SMURF1: variants seen among roughly 807,000 people sequenced by gnomAD.
The protein encoded by SMURF1 is E3 ubiquitin-protein ligase SMURF1.
In SMURF1, 44 loss-of-function variants were observed where a neutral mutation model predicts 98.0. The ratio of observed to expected loss-of-function variants is 0.45; its 90% CI spans 0.35 to 0.58. SMURF1 has a LOEUF of 0.58. Among genes scored for constraint, SMURF1 ranks in the 20% least tolerant of loss-of-function variants. The probability of loss-of-function intolerance (pLI) is 0.00; values close to 1 mark genes in which losing one functional copy is unlikely to be tolerated. For missense variants in SMURF1, 687 were observed against 938.4 expected (o/e 0.73, Z 3.50); for synonymous variants, 396 against 374.9 (o/e 1.06, Z -0.65).
chr7:99,049,727 A>C lies in SMURF1; in HGVS notation c.807-18T>G. Reference sequence around the variant, plus strand: ...TAAGGTCTCTACCAAAATGGAAGATACAGAGAGGTTTGTCCAACTGAGTAT... The same window carrying C: ...TAAGGTCTCTACCAAAATGGAAGATCCAGAGAGGTTTGTCCAACTGAGTAT... On this transcript the variant is annotated intron_variant, in intron 8 of 17. Transcript: ENST00000361368. The C allele has an allele frequency of 1.9e-6, 3 of 1,610,064 alleles. No homozygotes were observed. The highest frequency in any genetic ancestry group is 2.5e-6 in the Non-Finnish European group (3 of 1,178,888).
At chr7:99,127,210 T>C (rs999360378) in intron 1 of SMURF1, among the ~76,000 whole-genome samples, 3 of 152,210 alleles carry the variant, frequency 2.0e-5, no homozygotes, top group African/African-American at 7.2e-5. Context: ...GCATAGTGAA[T>C]GTTCCTGCCA....
intron 13 of SMURF1, among the ~76,000 whole-genome samples, chr7:99,039,231 C>T (rs1795276473): frequency 6.6e-6 from 1 of 151,462 alleles, no homozygotes; most frequent in African/African-American, 2.4e-5. Flanking sequence ...TACTGTTCCT[C>T]CCTTAGAGGC....
At chr7:99,109,413 A>AAGTTG (rs1223296215) in intron 1 of SMURF1, among the ~76,000 whole-genome samples, 1 of 152,152 alleles carries the variant, frequency 6.6e-6, no homozygotes, top group African/African-American at 2.4e-5. Context: ...ACCAGGTCAC[A>AAGTTG]AACCCTCCCT....
chr7:99,105,448 T>C (rs1797174332), intron 1 of SMURF1, among the ~76,000 whole-genome samples: 1 of 152,212 alleles, frequency 6.6e-6, no homozygotes, highest in Non-Finnish European at 1.5e-5. Context: ...TTACTAACAA[T>C]TACACACTAC....
chr7:99,055,639 TTTC>T (rs768704813), intron 5 of SMURF1, among the ~76,000 whole-genome samples: 10 of 152,002 alleles, frequency 6.6e-5, no homozygotes, highest in Non-Finnish European at 1.2e-4. Context: ...CCAGTTTTTA[TTTC>T]TTAAGAACAT....
At chr7:99,043,396 A>T (rs1795457158) in intron 11 of SMURF1, among the ~76,000 whole-genome samples, 1 of 152,118 alleles carries the variant, frequency 6.6e-6, no homozygotes, top group Admixed American at 6.6e-5. Context: ...TAGGAGGAAG[A>T]CTCCAGTGGT....
chr7:99,040,323 G>T, intron 13 of SMURF1, 55 bp downstream of exon 13: 1 of 1,411,490 alleles, frequency 7.1e-7, no homozygotes, highest in East Asian at 2.7e-5. Flanking sequence ...GCATACATAC[G>T]ATAGACGTGG....
intron 1 of SMURF1, among the ~76,000 whole-genome samples, chr7:99,084,641 C>A (rs1228932673): frequency 6.6e-6 from 1 of 152,160 alleles, no homozygotes; most frequent in Non-Finnish European, 1.5e-5. Context: ...CCTCGGCCTC[C>A]CAAAGTGCTG....
chr7:99,075,697 C>A (rs527397895), intron 1 of SMURF1, among the ~76,000 whole-genome samples: 1 of 151,306 alleles, frequency 6.6e-6, no homozygotes, highest in Admixed American at 6.6e-5. Flanking sequence ...CTCAGAGTAT[C>A]ACACACAGGT....
At position 99,040,359 on chromosome 7, in the gene SMURF1, G is replaced by T; in HGVS notation, c.1550+19C>A. On this transcript the variant is annotated intron_variant, in intron 13 of 17. Coordinates refer to ENST00000361368, the MANE Select transcript of SMURF1 (RefSeq NM_181349.3). ...TGGTGGGCCCTAAGCCAGGTGACCG[G>T]CCGTCAGTCAATACTTACAGGATCC... 1 of 1,460,232 alleles carries T rather than the reference G, an allele frequency of 6.8e-7. No individual in the cohort carries two copies. Among genetic ancestry groups the T allele is most frequent in the Non-Finnish European group, 9.1e-7 (1 of 1,100,126 alleles). 90.5% of individuals were successfully genotyped at this position (1,460,232 alleles called of 1,614,324 possible).
Position 99,044,423 on chromosome 7 carries a change from T to C in SMURF1, c.1256+1275A>G, listed in dbSNP as rs1795505310. On this transcript the variant is annotated intron_variant, in intron 11 of 17. Transcript: ENST00000361368. Reference sequence around the variant, plus strand: ...TGGACAATATTTTCATTCATAATAATGTAAACCGTATAAACTTTCATCCCT... The same window carrying C: ...TGGACAATATTTTCATTCATAATAACGTAAACCGTATAAACTTTCATCCCT... Among the ~76,000 whole-genome samples, 4 of 152,374 alleles carry C rather than the reference T, an allele frequency of 2.6e-5. No individual in the cohort carries two copies. The South Asian group carries it at 6.2e-4, about 24-fold the overall frequency.
At chr7:99,127,850 G>T (rs139819118) in intron 1 of SMURF1, among the ~76,000 whole-genome samples, 29 of 152,254 alleles carry the variant, frequency 1.9e-4, no homozygotes, top group Admixed American at 1.9e-3. Flanking sequence ...AAGTCTTGCT[G>T]AGAGATCGTG....
intron 8 of SMURF1, chr7:99,050,208 C>CAA (rs1041452677): frequency 1.4e-5 from 2 of 144,068 alleles, no homozygotes; most frequent in African/African-American, 2.6e-5. Context: ...ATTCCATCTC[C>CAA]AAAAAAAAAA....
chr7:99,060,898 GAA>G (rs79545396), intron 2 of SMURF1, among the ~76,000 whole-genome samples, 191 bp from the exon 3 acceptor site: 1 of 142,570 alleles, frequency 7.0e-6, no homozygotes, highest in African/African-American at 2.6e-5. Context: ...GAAAGTGACT[GAA>G]AAAAAAAAAG....
chr7:99,051,041 C>G, intron 8 of SMURF1: 1 of 1,463,494 alleles, frequency 6.8e-7, no homozygotes, highest in Non-Finnish European at 9.3e-7. Flanking sequence ...GTAACAGAGT[C>G]TTTATATTTC....
At chr7:99,140,904 T>A (rs1798106930) in intron 1 of SMURF1, among the ~76,000 whole-genome samples, 1 of 152,224 alleles carries the variant, frequency 6.6e-6, no homozygotes, top group African/African-American at 2.4e-5. Context: ...GAATTCAAAC[T>A]TCCCTTAACC....
In SMURF1 at chr7:99,144,063, G is replaced by T. The variant is rs1798218958; in HGVS notation, c.-283C>A. On this transcript the variant is annotated 5_prime_UTR_variant, in exon 1 of 18. Coordinates refer to ENST00000361368, the MANE Select transcript of SMURF1 (RefSeq NM_181349.3). The stretch of plus-strand genomic sequence containing the variant: ...CCTCCGCCGCCTCCACCACCTCAGA[G>T]CCGGACGCCCGCCGCCCTCGCCGCT... 5.4e-6 allele frequency: 1 copy of T among 185,804 alleles called. No individual in the cohort carries two copies. The highest frequency in any genetic ancestry group is 1.1e-5 in the Non-Finnish European group (1 of 91,240). The allele number at this position is 185,804 out of a possible 1,614,324, so 11.5% of individuals were successfully genotyped here.
chr7:99,103,275 T>A (rs1442922311), intron 1 of SMURF1, among the ~76,000 whole-genome samples: 2 of 152,214 alleles, frequency 1.3e-5, no homozygotes, highest in Admixed American at 6.5e-5. Flanking sequence ...TACATACGCC[T>A]GTGTTCATAC....
chr7:99,113,929 A>T (rs1797384301), intron 1 of SMURF1, among the ~76,000 whole-genome samples: 1 of 151,904 alleles, frequency 6.6e-6, no homozygotes, highest in South Asian at 2.1e-4. Flanking sequence ...AGGCAAATTT[A>T]AAAAAGGAAT....
Sources: allele counts gnomAD v4.1 joint callset (sites outside exome capture counted in the v4.1 genomes callset), GRCh38; gene constraint gnomAD v4.1.1; transcripts MANE v1.5; gene names NCBI Gene and HGNC (gene_info 2026-07-23, HGNC 2026-07-21).